The following EPHB2 variants were observed in gnomAD, a reference collection of about 807,000 sequenced individuals.
The protein encoded by EPHB2 is EPH receptor B2, also known as ephrin type-B receptor 2.
In EPHB2, 18 loss-of-function variants were observed where a neutral mutation model predicts 96.4. The ratio of observed to expected loss-of-function variants is 0.19; its 90% confidence interval spans 0.13 to 0.28. The LOEUF (loss-of-function observed/expected upper bound fraction) is 0.28, where lower values mean the gene tolerates loss of function less well. Ranked by LOEUF, EPHB2 falls within the 10% of genes least tolerant of loss-of-function variation. EPHB2 has a pLI of 1.00. For missense variants in EPHB2, 989 were observed against 1,355.4 expected (o/e 0.73, Z 4.25); for synonymous variants, 506 against 534.1 (o/e 0.95, Z 0.72).
intron 3 of EPHB2, among the ~76,000 whole-genome samples, chr1:22,796,928 C>T (rs1644774550): frequency 6.6e-6 from 1 of 152,218 alleles, no homozygotes; most frequent in South Asian, 2.1e-4. Flanking sequence ...AGCTAATGGA[C>T]AGAGGAGCCA....
At chr1:22,810,791 G>A (rs577730687) in intron 3 of EPHB2, among the ~76,000 whole-genome samples, 3 of 152,206 alleles carry the variant, frequency 2.0e-5, no homozygotes, top group African/African-American at 7.2e-5. Flanking sequence ...AATTTCCCCT[G>A]AAATGTCACC....
intron 3 of EPHB2, among the ~76,000 whole-genome samples, chr1:22,814,224 A>G (rs992394494): frequency 6.6e-6 from 1 of 152,170 alleles, no homozygotes; most frequent in Admixed American, 6.5e-5. Flanking sequence ...TTGTTGGCTT[A>G]TCTTTATGTA....
chr1:22,735,438 CA>C lies in EPHB2; in HGVS notation c.61+24408del, dbSNP rs71878649. On this transcript the variant is annotated intron_variant, in intron 1 of 15. Transcript: ENST00000374630. ...TAAACAACAGAGTGAGACCCGGTAT[CA>C]AAAAAAAAAAAAGAAGAAGAAGAAG... is the stretch of plus-strand genomic sequence containing the variant. 1.7e-3 allele frequency among the ~76,000 whole-genome samples: 240 copies of C among 137,884 alleles called. 2 individuals are homozygous for C. The highest frequency in any genetic ancestry group is 3.9e-3 in the East Asian group (19 of 4,870). 90.5% of individuals were successfully genotyped at this position (137,884 alleles called of 152,430 possible).
Position 22,882,384 on chromosome 1 carries a change from T to G in EPHB2, c.1329T>G (p.His443Gln). The stretch of plus-strand genomic sequence containing the variant: ...CTCCATCGGCAGTGTCCATCATGCA[T>G]CAGGTGAGCCGCACCGTGGACAGCA... Reference protein sequence around the residue: ...QAAPSAVSIMHQVSRTVDSIT... With the variant: ...QAAPSAVSIMQQVSRTVDSIT... Residue 443 changes from histidine to glutamine, a missense_variant, in exon 6 of 16, where the codon CAT becomes CAG. His to Gln is a conservative substitution (Grantham distance 24). Transcript: ENST00000374630. 1 of 1,614,090 alleles carries G rather than the reference T, an allele frequency of 6.2e-7. No homozygotes were observed.
At position 22,723,326 on chromosome 1, in the gene EPHB2, A is replaced by G. The variant is rs146615167; in HGVS notation, c.61+12283A>G. On this transcript the variant is annotated intron_variant, in intron 1 of 15. Transcript: ENST00000374630. ...TGGAACCCACGAAAGGCCATGGCCC[A>G]GGGAGTCTGTTCGAGTCAGGGCTCT... 3.8e-3 allele frequency among the ~76,000 whole-genome samples: 584 copies of G among 152,342 alleles called. 4 individuals carry two copies. Among genetic ancestry groups the G allele is most frequent in the African/African-American group, 0.013 (539 of 41,590 alleles).
In EPHB2 at chr1:22,781,346, G is replaced by A. The variant is rs1247785203; in HGVS notation, c.62-75G>A. 7 of 1,374,800 alleles carry A rather than the reference G, an allele frequency of 5.1e-6. No homozygotes were observed. The Admixed American group carries it at 7.6e-5, about 15-fold the overall frequency. The allele number at this position is 1,374,800 out of a possible 1,614,324, so 85.2% of individuals were successfully genotyped here. A position where few individuals can be genotyped will look rare whatever the true frequency, so the allele number is the denominator to read the frequency against. On this transcript the variant is annotated intron_variant, in intron 1 of 15. Transcript: ENST00000374630. ...AAAAAAAAAAAAAAAAGAAGAAGAA[G>A]GATGAGGGCCCAACAGAAAGATTGA...
At position 22,784,066 on chromosome 1, in the gene EPHB2, G is replaced by T. The variant is rs560199485; in HGVS notation, c.127-326G>T. On this transcript the variant is annotated intron_variant, in intron 2 of 15. Transcript: ENST00000374630. The surrounding 1 kb of genome is among the most constrained non-coding windows in gnomAD (Gnocchi z 5.1). ...AAGCTATGTCTACTTTCATCAGAAG[G>T]AGCTCCCTAAGTGGGGAAGGGTTCT... Among the ~76,000 whole-genome samples the T allele has an allele frequency of 6.6e-6, 1 of 152,212 alleles. No individual in the cohort carries two copies. The highest frequency in any genetic ancestry group is 1.9e-4 in the East Asian group (1 of 5,170).
At chr1:22,862,466 A>C (rs75208974) in intron 3 of EPHB2, among the ~76,000 whole-genome samples, 2,277 of 152,314 alleles carry the variant, frequency 0.015, 60 homozygotes, top group African/African-American at 0.052. Context: ...AAGAAAACTG[A>C]GTCTGAGTAG....
chr1:22,714,753 T>A (rs1312479736), intron 1 of EPHB2, among the ~76,000 whole-genome samples: 2 of 152,228 alleles, frequency 1.3e-5, no homozygotes, highest in Non-Finnish European at 1.5e-5. Flanking sequence ...TAAAGCCAGC[T>A]TGTCGGTTCC....
intron 3 of EPHB2, among the ~76,000 whole-genome samples, chr1:22,832,118 A>G (rs761003970): frequency 6.6e-6 from 1 of 152,128 alleles, no homozygotes; most frequent in Non-Finnish European, 1.5e-5. Flanking sequence ...GAGAGCCAGA[A>G]AGTAGGGACA....
chr1:22,808,845 CA>C (rs1644965287), intron 3 of EPHB2, among the ~76,000 whole-genome samples: 1 of 152,200 alleles, frequency 6.6e-6, no homozygotes, highest in South Asian at 2.1e-4. Context: ...GATTCAAACC[CA>C]AGGAACCTCA....
intron 1 of EPHB2, among the ~76,000 whole-genome samples, chr1:22,773,464 G>A (rs2148408886): frequency 1.3e-5 from 2 of 152,300 alleles, no homozygotes; most frequent in East Asian, 3.9e-4. Context: ...TGCTGCATGG[G>A]TCTCACACCA....
intron 3 of EPHB2, among the ~76,000 whole-genome samples, chr1:22,859,900 GCC>G (rs1481739138): frequency 6.6e-6 from 1 of 152,102 alleles, no homozygotes; most frequent in Non-Finnish European, 1.5e-5. Flanking sequence ...CCAAAAAGAA[GCC>G]CTGTTCCCCA....
rs529118070 is a variant in EPHB2 at position 22,820,797 on chromosome 1, A to G, written c.811+35721A>G. 2.0e-5 allele frequency among the ~76,000 whole-genome samples: 3 copies of G among 152,358 alleles called. No individual in the cohort carries two copies. In the East Asian group the frequency reaches 5.8e-4, roughly 29 times the overall value. On this transcript the variant is annotated intron_variant, in intron 3 of 15. Transcript: ENST00000374630. ...GGAACTACACCAAGAAGTATTTGTT[A>G]TTATAACCATTTCACAGATAGAGAA...
At chr1:22,751,286 C>T (rs6685103) in intron 1 of EPHB2, among the ~76,000 whole-genome samples, 9,402 of 152,206 alleles carry the variant, frequency 0.062, 829 homozygotes, top group African/African-American at 0.19. Context: ...CACCCACGCC[C>T]ATCTGCTTCC....
At chr1:22,847,577 G>A (rs1645562072) in intron 3 of EPHB2, among the ~76,000 whole-genome samples, 1 of 152,176 alleles carries the variant, frequency 6.6e-6, no homozygotes, top group Non-Finnish European at 1.5e-5. Flanking sequence ...GGCCAGGGCA[G>A]GTGGGCTGGA....
intron 5 of EPHB2, among the ~76,000 whole-genome samples, chr1:22,876,941 G>A (rs967793202): frequency 4.6e-5 from 7 of 152,106 alleles, no homozygotes; most frequent in East Asian, 3.9e-4. Flanking sequence ...TGCCAGCTAC[G>A]CCTGCCAGGC....
At chr1:22,895,183 G>T (rs563802070) in intron 7 of EPHB2, among the ~76,000 whole-genome samples, 20 of 152,334 alleles carry the variant, frequency 1.3e-4, no homozygotes, top group African/African-American at 4.8e-4. Flanking sequence ...GCCTGTGTGT[G>T]TGTCAGCTGT....
In EPHB2 at chr1:22,865,163, C is replaced by T; in HGVS notation, c.1254C>T (p.Ser418=). The change falls in exon 5 of 16, where the codon AGC becomes AGT. Residue 418 remains serine, a synonymous_variant. Coordinates refer to ENST00000374630, the MANE Select transcript of EPHB2 (RefSeq NM_017449.5). Reference sequence around the variant, plus strand: ...CTGTGAACGGCGTTACTGACCAGAGCCCCTTCTCGCCTCAGTTCGCCTCTG... The same window carrying T: ...CTGTGAACGGCGTTACTGACCAGAGTCCCTTCTCGCCTCAGTTCGCCTCTG... The part of the protein sequence containing the change: ...IQAVNGVTDQ[S]PFSPQFASVN... 6.2e-7 allele frequency: 1 copy of T among 1,614,240 alleles called. No homozygotes were observed. The highest frequency in any genetic ancestry group is 8.5e-7 in the Non-Finnish European group (1 of 1,180,042).
Sources: allele counts gnomAD v4.1 joint callset (sites outside exome capture counted in the v4.1 genomes callset), GRCh38; gene constraint gnomAD v4.1.1; non-coding constraint Gnocchi (gnomAD v3.1); transcripts MANE v1.5; gene names NCBI Gene and HGNC (gene_info 2026-07-23, HGNC 2026-07-21).